The following SLC4A4 variants were observed in gnomAD, a reference collection of about 807,000 sequenced individuals.
The protein encoded by SLC4A4 is electrogenic sodium bicarbonate cotransporter 1.
In SLC4A4, 27 loss-of-function variants were observed where a neutral mutation model predicts 111.5. The observed-to-expected ratio is 0.24, with a 90% CI of 0.18 to 0.33. SLC4A4 has a LOEUF of 0.33. Among genes scored for constraint, SLC4A4 ranks in the 10% least tolerant of loss-of-function variants. The probability of loss-of-function intolerance (pLI) is 1.00; values close to 1 mark genes in which losing one functional copy is unlikely to be tolerated. For synonymous variants in SLC4A4, 443 were observed against 463.4 expected (o/e 0.96, Z 0.57); for missense variants, 909 against 1,315.5 (o/e 0.69, Z 4.78).
At chr4:71,565,493 G>C (rs1160022121) in intron 24 of SLC4A4, among the ~76,000 whole-genome samples, 3 of 151,800 alleles carry the variant, frequency 2.0e-5, no homozygotes, top group Non-Finnish European at 2.9e-5. Context: ...GGAACTGGCT[G>C]GAACCTTTGT....
intron 3 of SLC4A4, among the ~76,000 whole-genome samples, chr4:71,332,792 G>A (rs1728125924): frequency 6.6e-6 from 1 of 152,180 alleles, no homozygotes; most frequent in Non-Finnish European, 1.5e-5. Context: ...TAAGTCTGCT[G>A]TTGAGAGACT....
In SLC4A4 at chr4:71,238,043, G is replaced by C. The variant is rs563944955; in HGVS notation, c.73+1394G>C. Among the ~76,000 whole-genome samples, 7 of 152,272 alleles carry C rather than the reference G, an allele frequency of 4.6e-5. No homozygotes were observed. In the East Asian group the frequency reaches 1.2e-3, roughly 25 times the overall value. ...ACTCTGTCACTGTCCCAGTGTCAAAGAGGAGATACCAGCAAAGAGGAGATA... is the reference window on the plus strand; with the variant it reads ...ACTCTGTCACTGTCCCAGTGTCAAACAGGAGATACCAGCAAAGAGGAGATA... On this transcript the variant is annotated intron_variant, in intron 2 of 25. Transcript: ENST00000264485.
chr4:71,537,122 G>A (rs964511285), intron 18 of SLC4A4, among the ~76,000 whole-genome samples: 8 of 151,636 alleles, frequency 5.3e-5, no homozygotes, highest in Admixed American at 3.9e-4. Context: ...TCTATAGTCA[G>A]CCAATTCTTT....
chr4:71,445,584 C>G (rs1274670058), intron 8 of SLC4A4, among the ~76,000 whole-genome samples: 1 of 152,002 alleles, frequency 6.6e-6, no homozygotes, highest in Admixed American at 6.6e-5. Context: ...TAAAAATGTA[C>G]TAAGGATCCA....
chr4:71,314,669 A>G (rs1302638798), intron 3 of SLC4A4, among the ~76,000 whole-genome samples: 2 of 152,216 alleles, frequency 1.3e-5, no homozygotes, highest in Non-Finnish European at 2.9e-5. Flanking sequence ...ACAGGGGAAC[A>G]GAAGACCCAA....
intron 14 of SLC4A4, among the ~76,000 whole-genome samples, chr4:71,482,199 A>G (rs1728945953): frequency 1.3e-5 from 2 of 151,448 alleles, no homozygotes; most frequent in Admixed American, 1.3e-4. Context: ...TTGTTTATGG[A>G]CTCTAACATA....
At chr4:71,179,022 C>A (rs565283860) in intron 2 of SLC4A4, among the ~76,000 whole-genome samples, 1 of 152,206 alleles carries the variant, frequency 6.6e-6, no homozygotes, top group African/African-American at 2.4e-5. Context: ...AAGTGGGCTT[C>A]ATCCCTGGGA....
intron 1 of SLC4A4, among the ~76,000 whole-genome samples, chr4:71,227,983 G>T (rs1428027484): frequency 6.6e-6 from 1 of 152,196 alleles, no homozygotes; most frequent in African/African-American, 2.4e-5. Flanking sequence ...CACGGTCTTT[G>T]TGGAAGCACG....
At chr4:71,501,868 A>T (rs892087765) in intron 16 of SLC4A4, among the ~76,000 whole-genome samples, 1 of 151,928 alleles carries the variant, frequency 6.6e-6, no homozygotes, top group Non-Finnish European at 1.5e-5. Context: ...GTTTCACCAT[A>T]ATAGCCAGAT....
intron 3 of SLC4A4, among the ~76,000 whole-genome samples, chr4:71,310,891 A>G (rs1231764175): frequency 6.6e-6 from 1 of 152,242 alleles, no homozygotes; most frequent in Non-Finnish European, 1.5e-5. Flanking sequence ...GCCAAATTGG[A>G]TAAAGAGTCA....
chr4:71,224,929 C>T (rs897885888), intron 1 of SLC4A4, among the ~76,000 whole-genome samples: 1 of 152,168 alleles, frequency 6.6e-6, no homozygotes, highest in African/African-American at 2.4e-5. Flanking sequence ...AAAATTAGAA[C>T]TTTAAAGTGG....
At chr4:71,468,324 C>G (rs1417633973) in intron 13 of SLC4A4, among the ~76,000 whole-genome samples, 1 of 152,034 alleles carries the variant, frequency 6.6e-6, no homozygotes, top group Non-Finnish European at 1.5e-5. Flanking sequence ...CAAACATGCA[C>G]AAACTTTGCA....
chr4:71,479,805 G>A (rs1215355830), intron 14 of SLC4A4, among the ~76,000 whole-genome samples: 1 of 151,652 alleles, frequency 6.6e-6, no homozygotes, highest in African/African-American at 2.4e-5. Flanking sequence ...TGCTTTTACT[G>A]TCTTAACCTA....
At chr4:71,163,905 T>C (rs1047852828) in intron 2 of SLC4A4, among the ~76,000 whole-genome samples, 1 of 152,226 alleles carries the variant, frequency 6.6e-6, no homozygotes, top group African/African-American at 2.4e-5. Flanking sequence ...TTATTAAGTA[T>C]ACACTCATGA....
chr4:71,469,753 T>C (rs1177054562), intron 13 of SLC4A4, among the ~76,000 whole-genome samples: 1 of 151,988 alleles, frequency 6.6e-6, no homozygotes, highest in African/African-American at 2.4e-5. Flanking sequence ...CATATCACTT[T>C]CATAATGAAG....
intron 16 of SLC4A4, among the ~76,000 whole-genome samples, chr4:71,521,420 G>A (rs922798159): frequency 2.6e-5 from 4 of 152,010 alleles, no homozygotes; most frequent in African/African-American, 9.7e-5. Flanking sequence ...TTTTTGTAGA[G>A]ATGGGGTGTT....
At chr4:71,271,478 GAAATAGAAACCA>G (rs1722695928) in intron 3 of SLC4A4, among the ~76,000 whole-genome samples, 1 of 152,074 alleles carries the variant, frequency 6.6e-6, no homozygotes, top group South Asian at 2.1e-4. Flanking sequence ...AATATGGGTG[GAAATAGAAACCA>G]AACCAGGGAG....
chr4:71,347,897 A>C lies in SLC4A4; in HGVS notation c.390-2015A>C, dbSNP rs73826261. ...TCCCTCAGAAAATAAGCATACTCTT[A>C]GGAATTCAAGAGAAATCAAGGAGTC... On this transcript the variant is annotated intron_variant, in intron 4 of 25. Transcript: ENST00000264485. Among the ~76,000 whole-genome samples the C allele has an allele frequency of 7.9e-3, 1,197 of 152,316 alleles. 16 individuals carry two copies. The highest frequency in any genetic ancestry group is 0.025 in the African/African-American group (1,059 of 41,560).
At chr4:71,447,313 T>A (rs1725326131) in intron 8 of SLC4A4, among the ~76,000 whole-genome samples, 1 of 152,098 alleles carries the variant, frequency 6.6e-6, no homozygotes, top group Admixed American at 6.5e-5. Flanking sequence ...ATTCTGAAAA[T>A]CAGTAGAAAT....
Sources: allele counts gnomAD v4.1 joint callset (sites outside exome capture counted in the v4.1 genomes callset), GRCh38; gene constraint gnomAD v4.1.1; transcripts MANE v1.5; gene names NCBI Gene and HGNC (gene_info 2026-07-23, HGNC 2026-07-21).